CNTNAP2: variants seen among roughly 807,000 people sequenced by gnomAD.
CNTNAP2 encodes the protein contactin associated protein 2.
In CNTNAP2, 98 loss-of-function variants were observed where a neutral mutation model predicts 155.2. The ratio of observed to expected loss-of-function variants is 0.63; its 90% CI spans 0.54 to 0.75. The LOEUF (loss-of-function observed/expected upper bound fraction) is 0.75. Among genes scored for constraint, CNTNAP2 ranks in the 30% least tolerant of loss-of-function variants. CNTNAP2 has a pLI of 0.00. For synonymous variants in CNTNAP2, 651 were observed against 631.2 expected (o/e 1.03, Z -0.47); for missense variants, 1,727 against 1,688.1 (o/e 1.02, Z -0.40).
At chr7:146,585,294 G>A (rs976112986) in intron 1 of CNTNAP2, among the ~76,000 whole-genome samples, 2 of 151,858 alleles carry the variant, frequency 1.3e-5, no homozygotes, top group Admixed American at 6.6e-5. Flanking sequence ...GCTAATTTTT[G>A]TATTTTTAGT....
intron 11 of CNTNAP2, among the ~76,000 whole-genome samples, chr7:147,553,952 C>G (rs6974027): frequency 5.3e-5 from 8 of 149,600 alleles, no homozygotes; most frequent in Non-Finnish European, 1.0e-4. Context: ...ACGAGCAAAA[C>G]TCTATCTCAA....
At chr7:146,196,573 G>C (rs1313899334) in intron 1 of CNTNAP2, among the ~76,000 whole-genome samples, 4 of 151,396 alleles carry the variant, frequency 2.6e-5, no homozygotes, top group Non-Finnish European at 5.9e-5. Flanking sequence ...GGGAGAGAGA[G>C]AGAGAGAGAA....
chr7:146,785,212 G>GATCTACCC (rs1487329554), intron 2 of CNTNAP2, among the ~76,000 whole-genome samples: 1 of 151,846 alleles, frequency 6.6e-6, no homozygotes, highest in Non-Finnish European at 1.5e-5. Context: ...GCACTCAAGT[G>GATCTACCC]ATCTACCCAC....
chr7:146,520,849 C>G (rs1364571114), intron 1 of CNTNAP2, among the ~76,000 whole-genome samples: 1 of 151,942 alleles, frequency 6.6e-6, no homozygotes, highest in African/African-American at 2.4e-5. Flanking sequence ...CGCCCTCCTA[C>G]ATTAATGTAA....
At chr7:148,191,787 T>A (rs1413485755) in intron 18 of CNTNAP2, among the ~76,000 whole-genome samples, 2 of 152,220 alleles carry the variant, frequency 1.3e-5, no homozygotes, top group Non-Finnish European at 2.9e-5. Flanking sequence ...GGGTTAGGAT[T>A]TCAACATGTG....
intron 1 of CNTNAP2, among the ~76,000 whole-genome samples, chr7:146,748,327 G>A (rs193044760): frequency 6.6e-6 from 1 of 151,230 alleles, no homozygotes; most frequent in Non-Finnish European, 1.5e-5. Flanking sequence ...TTGTATTTTT[G>A]TTAGAGACGG....
chr7:148,326,176 T>G (rs1217089261), intron 21 of CNTNAP2, among the ~76,000 whole-genome samples: 1 of 152,090 alleles, frequency 6.6e-6, no homozygotes, highest in East Asian at 1.9e-4. Context: ...GATTGTAATG[T>G]ACAGCCAACA....
intron 4 of CNTNAP2, among the ~76,000 whole-genome samples, chr7:147,068,194 GACCTAAAATCA>G (rs1418044313): frequency 6.6e-6 from 1 of 152,130 alleles, no homozygotes; most frequent in African/African-American, 2.4e-5. Flanking sequence ...TCACTCTTCT[GACCTAAAATCA>G]ACTAATTGGA....
At chr7:146,717,814 C>T (rs965993248) in intron 1 of CNTNAP2, among the ~76,000 whole-genome samples, 1 of 151,692 alleles carries the variant, frequency 6.6e-6, no homozygotes, top group Non-Finnish European at 1.5e-5. Flanking sequence ...ATAAAGTATC[C>T]CAATGATCCT....
intron 15 of CNTNAP2, among the ~76,000 whole-genome samples, chr7:148,117,613 C>T (rs1027622457): frequency 1.3e-5 from 2 of 152,100 alleles, no homozygotes; most frequent in Non-Finnish European, 2.9e-5. Flanking sequence ...TCAGATGCTG[C>T]TTGCACCAGA....
chr7:147,531,945 T>C (rs1191044193), intron 11 of CNTNAP2, among the ~76,000 whole-genome samples: 10 of 151,968 alleles, frequency 6.6e-5, no homozygotes, highest in Non-Finnish European at 1.3e-4. Flanking sequence ...TAGCTGGGAC[T>C]ACAGGTGCCT....
At chr7:147,373,877 T>A (rs1336779888) in intron 9 of CNTNAP2, among the ~76,000 whole-genome samples, 1 of 152,014 alleles carries the variant, frequency 6.6e-6, no homozygotes, top group African/African-American at 2.4e-5. Flanking sequence ...AAGATATACA[T>A]TGGAGATGGA....
chr7:148,013,068 G>T (rs1173728769), intron 15 of CNTNAP2: 1 of 152,146 alleles, frequency 6.6e-6, no homozygotes. Context: ...TCATCTGGGG[G>T]TGTTCACAGT....
chr7:147,024,271 G>A (rs1338144240), intron 3 of CNTNAP2, among the ~76,000 whole-genome samples: 3 of 152,136 alleles, frequency 2.0e-5, no homozygotes, highest in Non-Finnish European at 2.9e-5. Flanking sequence ...CATCTATATC[G>A]CAATTGCAAT....
chr7:146,439,385 C>T (rs1796288387), intron 1 of CNTNAP2, among the ~76,000 whole-genome samples: 1 of 151,520 alleles, frequency 6.6e-6, no homozygotes, highest in South Asian at 2.1e-4. Flanking sequence ...CTTTTAGAGC[C>T]AGTAGCTGGC....
At chr7:147,591,316 C>T (rs1353565371) in intron 12 of CNTNAP2, among the ~76,000 whole-genome samples, 1 of 152,146 alleles carries the variant, frequency 6.6e-6, no homozygotes, top group Admixed American at 6.6e-5. Flanking sequence ...TGGCCTTTCT[C>T]CTTGGCAGAT....
At chr7:147,162,448 G>T (rs1271532190) in intron 8 of CNTNAP2, among the ~76,000 whole-genome samples, 1 of 152,142 alleles carries the variant, frequency 6.6e-6, no homozygotes, top group African/African-American at 2.4e-5. Context: ...AATGGCAAAG[G>T]CAATTCAGCA....
chr7:146,221,541 T>C (rs1305374105), intron 1 of CNTNAP2, among the ~76,000 whole-genome samples: 1 of 152,176 alleles, frequency 6.6e-6, no homozygotes, highest in South Asian at 2.1e-4. Flanking sequence ...TCTGAAGCTG[T>C]AGACCTGAAG....
At chr7:146,893,488 G>GAGAA (rs1462256258) in intron 3 of CNTNAP2, among the ~76,000 whole-genome samples, 1 of 13,758 alleles carries the variant, frequency 7.3e-5, no homozygotes, top group Admixed American at 3.6e-4. Flanking sequence ...TATATATATG[G>GAGAA]AGAGAGAGAG....
Sources: gnomAD v4.1 joint callset for allele counts (sites outside exome capture counted in the v4.1 genomes callset) on GRCh38, gnomAD v4.1.1 for gene constraint, MANE v1.5 for transcripts, NCBI Gene and HGNC (gene_info 2026-07-23, HGNC 2026-07-21) for gene names.